CHRNA7: variants seen among roughly 807,000 people sequenced by gnomAD.
CHRNA7 encodes the protein cholinergic receptor nicotinic alpha 7 subunit.
A neutral mutation model predicts 48.0 loss-of-function variants in CHRNA7; 17 were observed. The observed-to-expected ratio is 0.35, with a 90% confidence interval of 0.24 to 0.53. CHRNA7 has a LOEUF of 0.53. Among genes scored for constraint, CHRNA7 ranks in the 20% least tolerant of loss-of-function variants. The pLI is 0.92. For synonymous variants in CHRNA7, 75 were observed against 242.3 expected, an observed-to-expected ratio of 0.31 and a Z score of 6.41; for missense variants, 155 against 577.7, an observed-to-expected ratio of 0.27 and a Z score of 7.50.
At chr15:32,087,902 C>A (rs1566829710) in intron 2 of CHRNA7, among the ~76,000 whole-genome samples, 1 of 152,146 alleles carries the variant, frequency 6.6e-6, no homozygotes, top group Non-Finnish European at 1.5e-5. Flanking sequence ...GCATTTGAAT[C>A]CTTTTGTTAC....
intron 4 of CHRNA7, among the ~76,000 whole-genome samples, chr15:32,121,261 C>A (rs2050964796): frequency 6.6e-6 from 1 of 152,132 alleles, no homozygotes; most frequent in Non-Finnish European, 1.5e-5. Flanking sequence ...TTTCTGGGGA[C>A]CTACTCTGTG....
At chr15:32,089,486 C>T (rs770366152) in intron 2 of CHRNA7, among the ~76,000 whole-genome samples, 3 of 152,148 alleles carry the variant, frequency 2.0e-5, no homozygotes, top group Non-Finnish European at 4.4e-5. Context: ...TTTGACACAA[C>T]ATGTTCAAAT....
At chr15:32,147,321 A>AT (rs1329296742) in intron 4 of CHRNA7, among the ~76,000 whole-genome samples, 1 of 152,252 alleles carries the variant, frequency 6.6e-6, no homozygotes, top group Non-Finnish European at 1.5e-5. Flanking sequence ...GATGGAATCA[A>AT]TTATACCCTA....
intron 2 of CHRNA7, among the ~76,000 whole-genome samples, chr15:32,088,380 A>T (rs2050331965): frequency 6.6e-6 from 1 of 152,208 alleles, no homozygotes; most frequent in Non-Finnish European, 1.5e-5. Context: ...GTGATTATGC[A>T]TTAGGCTGCT....
intron 2 of CHRNA7, among the ~76,000 whole-genome samples, chr15:32,041,358 C>T (rs530071287): frequency 6.6e-6 from 1 of 152,320 alleles, no homozygotes; most frequent in South Asian, 2.1e-4. Flanking sequence ...GAAACTGTTC[C>T]ACCTCAGATT....
chr15:32,045,656 C>T (rs2141177534), intron 2 of CHRNA7, among the ~76,000 whole-genome samples: 1 of 151,996 alleles, frequency 6.6e-6, no homozygotes, highest in Middle Eastern at 3.4e-3. Flanking sequence ...CCTGCTTCAG[C>T]CTTCCAAGTA....
chr15:32,096,120 TAA>T (rs934840505), intron 2 of CHRNA7, among the ~76,000 whole-genome samples: 2 of 152,228 alleles, frequency 1.3e-5, no homozygotes, highest in African/African-American at 2.4e-5. Flanking sequence ...TCTCCATTAT[TAA>T]ATGAGAAAAA....
chr15:32,081,625 G>T (rs1263577453), intron 2 of CHRNA7, among the ~76,000 whole-genome samples: 1 of 151,968 alleles, frequency 6.6e-6, no homozygotes, highest in Non-Finnish European at 1.5e-5. Flanking sequence ...TTACCAGTTT[G>T]CATGCAGCAT....
Position 32,136,964 on chromosome 15 carries a change from G to A in CHRNA7, c.351-16943G>A, listed in dbSNP as rs1425089507. On this transcript the variant is annotated intron_variant, in intron 4 of 9. Transcript: ENST00000306901. The stretch of plus-strand genomic sequence containing the variant: ...GGAGAATGGCGTGAACCCGGGAGGC[G>A]GAGCTTGCAGTGAGCCGAGATCCCG... Among the ~76,000 whole-genome samples the A allele has an allele frequency of 3.5e-5, 5 of 141,618 alleles. No homozygotes were observed. In the East Asian group the frequency reaches 8.5e-4, roughly 24 times the overall value. The allele number at this position is 141,618 out of a possible 152,430, so 92.9% of individuals were successfully genotyped here.
intron 2 of CHRNA7, among the ~76,000 whole-genome samples, chr15:32,041,717 T>A (rs899238315): frequency 6.6e-6 from 1 of 152,272 alleles, no homozygotes; most frequent in Non-Finnish European, 1.5e-5. Context: ...TCTTTGCTTT[T>A]CAGTTTTCAA....
intron 4 of CHRNA7, among the ~76,000 whole-genome samples, chr15:32,131,356 G>A (rs1439958521): frequency 4.0e-5 from 6 of 151,596 alleles, no homozygotes; most frequent in Middle Eastern, 3.4e-3. Context: ...AGGCTGTGTC[G>A]ATTTTTTTTC....
At chr15:32,081,972 T>C (rs937615620) in intron 2 of CHRNA7, among the ~76,000 whole-genome samples, 13 of 152,292 alleles carry the variant, frequency 8.5e-5, no homozygotes, top group Non-Finnish European at 8.8e-5. Context: ...CCAATATATT[T>C]CACTGTATAT....
intron 4 of CHRNA7, among the ~76,000 whole-genome samples, chr15:32,116,661 C>T (rs147872012): frequency 1.3e-5 from 2 of 152,330 alleles, no homozygotes; most frequent in East Asian, 3.9e-4. Context: ...GAAGGACAGT[C>T]TGAATCCCGC....
At chr15:32,081,903 C>T (rs1454245922) in intron 2 of CHRNA7, among the ~76,000 whole-genome samples, 1 of 152,046 alleles carries the variant, frequency 6.6e-6, no homozygotes, top group Non-Finnish European at 1.5e-5. Flanking sequence ...GATGTGGTGG[C>T]AACACAATCT....
At chr15:32,066,627 G>A (rs2049971778) in intron 2 of CHRNA7, among the ~76,000 whole-genome samples, 1 of 152,152 alleles carries the variant, frequency 6.6e-6, no homozygotes, top group Admixed American at 6.5e-5. Context: ...ATATGTATGA[G>A]ACATGCAGTG....
At chr15:32,078,214 T>C (rs2050163466) in intron 2 of CHRNA7, among the ~76,000 whole-genome samples, 1 of 152,152 alleles carries the variant, frequency 6.6e-6, no homozygotes, top group Non-Finnish European at 1.5e-5. Flanking sequence ...AGAGGAGAAG[T>C]TTTTAATTTT....
intron 2 of CHRNA7, among the ~76,000 whole-genome samples, chr15:32,052,598 G>A (rs187572794): frequency 6.6e-5 from 10 of 152,194 alleles, no homozygotes; most frequent in African/African-American, 1.4e-4. Context: ...GGGTGATGGC[G>A]CATGCCTGTA....
intron 2 of CHRNA7, among the ~76,000 whole-genome samples, chr15:32,089,223 T>G (rs2050344817): frequency 6.6e-6 from 1 of 152,234 alleles, no homozygotes; most frequent in South Asian, 2.1e-4. Flanking sequence ...TTTCAACTAT[T>G]CTTTCTGCTC....
intron 2 of CHRNA7, among the ~76,000 whole-genome samples, chr15:32,053,820 A>G (rs893828144): frequency 6.6e-6 from 1 of 152,188 alleles, no homozygotes; most frequent in Admixed American, 6.5e-5. Flanking sequence ...GGCTGTGGGA[A>G]AGGCCTGGAT....
Sources: gnomAD v4.1 joint callset for allele counts (sites outside exome capture counted in the v4.1 genomes callset) on GRCh38, gnomAD v4.1.1 for gene constraint, MANE v1.5 for transcripts, NCBI Gene and HGNC (gene_info 2026-07-23, HGNC 2026-07-21) for gene names.